Variants in TENM2 observed in about 807,000 individuals in gnomAD.
TENM2 encodes the protein teneurin-2.
Under a neutral mutation model 245.2 loss-of-function variants are expected in TENM2, and 52 were observed. That is an observed-to-expected ratio of 0.21 (90% CI 0.17 to 0.27). TENM2 has a LOEUF of 0.27. Ranked by LOEUF, TENM2 falls within the 10% of genes least tolerant of loss-of-function variation. The probability of loss-of-function intolerance (pLI) is 1.00; values close to 1 mark genes in which losing one functional copy is unlikely to be tolerated. For missense variants in TENM2, 3,046 were observed against 3,666.8 expected (o/e 0.83, Z 4.37); for synonymous variants, 1,363 against 1,438.9 (o/e 0.95, Z 1.19).
chr5:167,134,142 A>C, the TENM2 span, among the ~76,000 whole-genome samples: 5,454 of 152,356 alleles, frequency 0.036, 132 homozygotes, highest in Non-Finnish European at 0.051. Flanking sequence ...GTTTCAAAAG[A>C]AACAGCAGCA....
intron 4 of TENM2, among the ~76,000 whole-genome samples, chr5:167,953,830 G>A (rs1370375305): frequency 6.6e-6 from 1 of 152,164 alleles, no homozygotes; most frequent in Non-Finnish European, 1.5e-5. Flanking sequence ...ACAGCTGGAA[G>A]CAATTTTGAA....
intron 2 of TENM2, among the ~76,000 whole-genome samples, chr5:167,780,796 TTCA>T (rs2150830671): frequency 6.6e-6 from 1 of 152,326 alleles, no homozygotes; most frequent in East Asian, 1.9e-4. Context: ...GGAGCAATGA[TTCA>T]GTATTCTCTA....
rs80063754 is a variant in TENM2 at position 167,353,829 on chromosome 5, G to T, written c.227-21369G>T. ...GCCGTATATGGTGTTTTATTTAAAA[G>T]AAAATTTTTTTGGAGATGTTATTTT... On this transcript the variant is annotated intron_variant, in intron 1 of 28. Coordinates refer to ENST00000518659, the Ensembl canonical transcript of TENM2. 0.036 allele frequency among the ~76,000 whole-genome samples: 5,535 copies of T among 152,190 alleles called. 453 individuals are homozygous for T. In the East Asian group the frequency reaches 0.37, roughly 10 times the overall value.
chr5:167,250,510 A>T, the TENM2 span, among the ~76,000 whole-genome samples: 2 of 152,148 alleles, frequency 1.3e-5, no homozygotes, highest in Non-Finnish European at 2.9e-5. Flanking sequence ...GTAACATAAC[A>T]TATGTGACTT....
rs189040585 is a variant in TENM2, at chr5:168,197,486, G to C, written c.2901-1367G>C. Among the ~76,000 whole-genome samples the C allele has an allele frequency of 4.0e-3, 607 of 152,220 alleles. 4 individuals are homozygous for C. Among genetic ancestry groups the C allele is most frequent in the Non-Finnish European group, 6.6e-3 (452 of 68,002 alleles). Reference sequence around the variant, plus strand: ...GAGGCAGAGGCAGGCGGATCACGAAGTCAGGAGATGGAGACCATCCTGGTT... The same window carrying C: ...GAGGCAGAGGCAGGCGGATCACGAACTCAGGAGATGGAGACCATCCTGGTT... On this transcript the variant is annotated intron_variant, in intron 15 of 28. Transcript: ENST00000518659.
At chr5:168,255,666 C>T (rs1767586789) in intron 27 of TENM2, among the ~76,000 whole-genome samples, 1 of 152,124 alleles carries the variant, frequency 6.6e-6, no homozygotes. Context: ...CCCTCAGTGG[C>T]AGGTAACAAA....
At chr5:167,193,958 C>T in the TENM2 span, among the ~76,000 whole-genome samples, 3 of 151,906 alleles carry the variant, frequency 2.0e-5, no homozygotes, top group Non-Finnish European at 2.9e-5. Context: ...AACTGAGAGT[C>T]TCAAAGGCGA....
intron 3 of TENM2, among the ~76,000 whole-genome samples, chr5:167,934,609 G>A (rs1778548663): frequency 1.3e-5 from 2 of 152,202 alleles, no homozygotes; most frequent in South Asian, 4.1e-4. Flanking sequence ...TTGGAACGAG[G>A]GAGTTTGGCT....
chr5:167,101,939 T>TATA, the TENM2 span, among the ~76,000 whole-genome samples: 74 of 119,376 alleles, frequency 6.2e-4, 1 homozygote, highest in South Asian at 2.2e-3. Context: ...TATATATATA[T>TATA]TTTTTTTTTT....
intron 1 of TENM2, chr5:167,287,355 A>C (rs1754349756): frequency 6.6e-6 from 1 of 152,204 alleles, no homozygotes; most frequent in African/African-American, 2.4e-5. Flanking sequence ...TTTCTTATTC[A>C]TGAAATCAAA....
At chr5:167,103,727 C>T in the TENM2 span, among the ~76,000 whole-genome samples, 2 of 152,150 alleles carry the variant, frequency 1.3e-5, no homozygotes, top group African/African-American at 2.4e-5. Context: ...AGTGTGGTTT[C>T]CAAGGTTTTT....
At chr5:167,449,215 A>C (rs2127471860) in intron 2 of TENM2, among the ~76,000 whole-genome samples, 1 of 147,416 alleles carries the variant, frequency 6.8e-6, no homozygotes, top group African/African-American at 2.4e-5. Flanking sequence ...GGATGAAAAA[A>C]ATATTGTTTG....
At chr5:167,935,292 C>T (rs893387408) in intron 3 of TENM2, among the ~76,000 whole-genome samples, 2 of 152,168 alleles carry the variant, frequency 1.3e-5, no homozygotes, top group African/African-American at 4.8e-5. Flanking sequence ...TATTGTGAGC[C>T]TAGGCAGTGC....
At chr5:167,976,744 C>T (rs1303168509) in intron 4 of TENM2, among the ~76,000 whole-genome samples, 1 of 152,178 alleles carries the variant, frequency 6.6e-6, no homozygotes, top group Non-Finnish European at 1.5e-5. Context: ...TACATAAGTA[C>T]TGTTTATAAT....
At chr5:167,770,466 T>C (rs1763330088) in intron 2 of TENM2, among the ~76,000 whole-genome samples, 1 of 152,188 alleles carries the variant, frequency 6.6e-6, no homozygotes, top group African/African-American at 2.4e-5. Context: ...CTTGACTTTT[T>C]ATACCAACCT....
At chr5:167,127,186 C>T in the TENM2 span, among the ~76,000 whole-genome samples, 2 of 151,994 alleles carry the variant, frequency 1.3e-5, no homozygotes, top group African/African-American at 4.8e-5. Flanking sequence ...AAATATTTCC[C>T]AAATTTGTAA....
intron 4 of TENM2, among the ~76,000 whole-genome samples, chr5:167,966,567 G>A (rs934269419): frequency 6.6e-6 from 1 of 152,184 alleles, no homozygotes; most frequent in Non-Finnish European, 1.5e-5. Context: ...TTGGTAGTGC[G>A]TATTTGGAAA....
chr5:167,418,200 A>G (rs1763276373), intron 2 of TENM2, among the ~76,000 whole-genome samples: 1 of 152,054 alleles, frequency 6.6e-6, no homozygotes, highest in African/African-American at 2.4e-5. Context: ...GTGGTGGCAC[A>G]TGCCTGTAAT....
In TENM2 at chr5:168,189,697, G is replaced by C. The variant is rs139112228; in HGVS notation, c.2570-640G>C. On this transcript the variant is annotated intron_variant, in intron 13 of 28. Coordinates refer to ENST00000518659, the Ensembl canonical transcript of TENM2. ...CAGTTCCCTTCCTGGCTTAGAGAGAGTGGGATAGAATACTTTTCTCCGTTA... is the reference window on the plus strand; with the variant it reads ...CAGTTCCCTTCCTGGCTTAGAGAGACTGGGATAGAATACTTTTCTCCGTTA... Among the ~76,000 whole-genome samples, 39 of 152,312 alleles carry C rather than the reference G, an allele frequency of 2.6e-4. No individual in the cohort carries two copies. In the East Asian group the frequency reaches 5.2e-3, roughly 20 times the overall value.
Sources: gnomAD v4.1 joint callset for allele counts (sites outside exome capture counted in the v4.1 genomes callset) on GRCh38, gnomAD v4.1.1 for gene constraint, MANE v1.5 for transcripts, NCBI Gene and HGNC (gene_info 2026-07-23, HGNC 2026-07-21) for gene names.